CHD9: variants seen among roughly 807,000 people sequenced by gnomAD.
CHD9 encodes the protein chromodomain helicase DNA binding protein 9.
In CHD9, 77 loss-of-function variants were observed where a neutral mutation model predicts 316.1. The observed-to-expected ratio is 0.24, with a 90% CI of 0.20 to 0.29. The LOEUF is 0.29. Ranked by LOEUF, CHD9 falls within the 10% of genes least tolerant of loss-of-function variation. CHD9 has a pLI of 1.00. For synonymous variants in CHD9, 1,129 were observed against 1,158.3 expected, an observed-to-expected ratio of 0.97 and a Z score of 0.51; for missense variants, 2,763 against 3,438.1, an observed-to-expected ratio of 0.80 and a Z score of 4.91.
rs569965769 is a variant in CHD9, at chr16:53,213,373, C to T, written c.1784+3560C>T. 9.2e-5 allele frequency among the ~76,000 whole-genome samples: 14 copies of T among 152,192 alleles called. No homozygotes were observed. In the South Asian group the frequency reaches 2.5e-3, roughly 27 times the overall value. On this transcript the variant is annotated intron_variant, in intron 3 of 38. Coordinates refer to ENST00000447540, the MANE Select transcript of CHD9 (RefSeq NM_001308319.2). Reference sequence around the variant, plus strand: ...GATCTTGGCAGTCAGGTTCTAAAAGCTGCCTTTCATACAAAATAGTGAGTA... The same window carrying T: ...GATCTTGGCAGTCAGGTTCTAAAAGTTGCCTTTCATACAAAATAGTGAGTA...
Position 53,204,793 on chromosome 16 carries a change from G to T in CHD9, c.1453-4689G>T, listed in dbSNP as rs548682536. ...AGGTTTTCTTTTTTAATGAATATTT[G>T]GATATGATATTAATATATGTGCCTT... On this transcript the variant is annotated intron_variant, in intron 2 of 38. Transcript: ENST00000447540. Among the ~76,000 whole-genome samples, 16 of 151,862 alleles carry T rather than the reference G, an allele frequency of 1.1e-4. No homozygotes were observed. In the South Asian group the frequency reaches 2.7e-3, roughly 26 times the overall value.
chr16:53,300,844 G>A (rs1235016799), intron 30 of CHD9, among the ~76,000 whole-genome samples: 6 of 152,174 alleles, frequency 3.9e-5, no homozygotes, highest in African/African-American at 7.2e-5. Context: ...GGTGGCTCAC[G>A]CCTGTAATCC....
intron 7 of CHD9, among the ~76,000 whole-genome samples, chr16:53,228,573 C>T (rs911703915): frequency 7.0e-6 from 1 of 142,776 alleles, no homozygotes; most frequent in Non-Finnish European, 1.5e-5. Flanking sequence ...CGGAGTCTCG[C>T]TCTGTCGCCC....
Position 53,157,484 on chromosome 16 carries a change from A to G in CHD9, c.1395A>G (p.Ser465=). The part of the protein sequence containing the change: ...QLQSQARSWH[S]SFSNHQHLHD... The stretch of plus-strand genomic sequence containing the variant: ...AAAGTCAGGCTCGGAGTTGGCATTC[A>G]TCATTTTCTAATCATCAGCATTTAC... Residue 465 remains serine, a synonymous_variant, in exon 2 of 39, where the codon TCA becomes TCG. Transcript: ENST00000447540. 1.2e-6 allele frequency: 2 copies of G among 1,613,936 alleles called. No homozygotes were observed. Among genetic ancestry groups the G allele is most frequent in the Non-Finnish European group, 8.5e-7 (1 of 1,179,842 alleles).
intron 30 of CHD9, among the ~76,000 whole-genome samples, chr16:53,297,711 T>C (rs1458697217): frequency 6.6e-6 from 1 of 152,238 alleles, no homozygotes; most frequent in Non-Finnish European, 1.5e-5. Flanking sequence ...ACAGTTCCTC[T>C]CAGTAATGCT....
intron 3 of CHD9, among the ~76,000 whole-genome samples, chr16:53,215,202 C>T (rs777907232): frequency 1.1e-4 from 16 of 152,198 alleles, no homozygotes; most frequent in Non-Finnish European, 1.9e-4. Context: ...AGGCATAAGC[C>T]ACCGTGCCCG....
chr16:53,096,279 C>A (rs2036371383), intron 1 of CHD9, among the ~76,000 whole-genome samples: 1 of 152,034 alleles, frequency 6.6e-6, no homozygotes, highest in Admixed American at 6.6e-5. Flanking sequence ...CCAGTTAGGA[C>A]CACGTCACTG....
Position 53,189,557 on chromosome 16 carries a change from AT to A in CHD9, c.1453-19916del, listed in dbSNP as rs987613732. Among the ~76,000 whole-genome samples, 42 of 150,268 alleles carry A rather than the reference AT, an allele frequency of 2.8e-4. 1 individual carries two copies. The highest frequency in any genetic ancestry group is 4.7e-4 in the Non-Finnish European group (32 of 67,496). ...CTCTATATATATATGTATTATATAT[AT>A]TTTTTTTTCCTGGATTAGGTTTGCT... On this transcript the variant is annotated intron_variant, in intron 2 of 38. Coordinates refer to ENST00000447540, the MANE Select transcript of CHD9 (RefSeq NM_001308319.2).
intron 1 of CHD9, among the ~76,000 whole-genome samples, chr16:53,065,236 G>A (rs985946968): frequency 6.6e-6 from 1 of 152,160 alleles, no homozygotes; most frequent in Non-Finnish European, 1.5e-5. Context: ...TGGCAGCACT[G>A]CTAGTATAAT....
chr16:53,145,887 A>G (rs147749190), intron 1 of CHD9, among the ~76,000 whole-genome samples: 1 of 152,290 alleles, frequency 6.6e-6, no homozygotes, highest in African/African-American at 2.4e-5. Context: ...AGCCTTAAAA[A>G]GGAAAGATAT....
At chr16:53,160,135 A>G (rs932941709) in intron 2 of CHD9, among the ~76,000 whole-genome samples, 2 of 152,134 alleles carry the variant, frequency 1.3e-5, no homozygotes, top group African/African-American at 4.8e-5. Flanking sequence ...GCATCTATCT[A>G]CTTTGTATGT....
intron 1 of CHD9, among the ~76,000 whole-genome samples, chr16:53,093,760 A>G (rs2036150619): frequency 6.6e-6 from 1 of 152,234 alleles, no homozygotes; most frequent in African/African-American, 2.4e-5. Flanking sequence ...GAAAGTGGCC[A>G]GGTACAACTT....
chr16:53,246,641 TTA>T (rs2049647839), intron 15 of CHD9, among the ~76,000 whole-genome samples: 2 of 152,070 alleles, frequency 1.3e-5, no homozygotes, highest in Non-Finnish European at 2.9e-5. Context: ...CTCAGCCTCC[TTA>T]GTAACTAGAA....
chr16:53,201,119 A>G (rs145939758), intron 2 of CHD9, among the ~76,000 whole-genome samples: 203 of 152,274 alleles, frequency 1.3e-3, no homozygotes, highest in African/African-American at 4.6e-3. Flanking sequence ...CTTAATCACA[A>G]TGTTATGCTG....
At chr16:53,315,713 C>G (rs1352358224) in intron 36 of CHD9, among the ~76,000 whole-genome samples, 1 of 152,076 alleles carries the variant, frequency 6.6e-6, no homozygotes, top group Non-Finnish European at 1.5e-5. Context: ...CTCCTGGCCT[C>G]AAGCAATCCG....
intron 27 of CHD9, among the ~76,000 whole-genome samples, chr16:53,290,702 C>T (rs931049480): frequency 4.6e-5 from 7 of 151,920 alleles, no homozygotes; most frequent in Admixed American, 6.6e-5. Flanking sequence ...CGCTTGAGCC[C>T]GAAAGGTTGA....
At chr16:53,117,145 G>A (rs2038369656) in intron 1 of CHD9, among the ~76,000 whole-genome samples, 2 of 152,054 alleles carry the variant, frequency 1.3e-5, no homozygotes, top group Admixed American at 6.6e-5. Context: ...CTTAGGTGAT[G>A]GGTCGATAGG....
chr16:53,279,319 T>C lies in CHD9; in HGVS notation c.4967+5017T>C, dbSNP rs571811817. The stretch of plus-strand genomic sequence containing the variant: ...GGTAGGAATTGAACAATGAGAACAC[T>C]TGGACACAGGAAGGGGAACATCACA... On this transcript the variant is annotated intron_variant, in intron 24 of 38. Transcript: ENST00000447540. Among the ~76,000 whole-genome samples the C allele has an allele frequency of 5.9e-5, 9 of 151,888 alleles. 2 individuals are homozygous for C. The highest frequency in any genetic ancestry group is 2.2e-4 in the African/African-American group (9 of 41,412).
intron 1 of CHD9, among the ~76,000 whole-genome samples, chr16:53,070,485 T>TTCCTTCC (rs1567306263): frequency 1.0e-4 from 15 of 148,080 alleles, no homozygotes; most frequent in African/African-American, 3.4e-4. Flanking sequence ...TCTTTCTTTC[T>TTCCTTCC]TTCTTTCCTT....
Sources: gnomAD v4.1 joint callset for allele counts (sites outside exome capture counted in the v4.1 genomes callset) on GRCh38, gnomAD v4.1.1 for gene constraint, MANE v1.5 for transcripts, NCBI Gene and HGNC (gene_info 2026-07-23, HGNC 2026-07-21) for gene names.